RUNDC3B: variants seen among roughly 807,000 people sequenced by gnomAD.
RUNDC3B encodes the protein RUN domain-containing protein 3B.
RUNDC3B carries 33 observed loss-of-function variants against 58.4 expected under a neutral mutation model. The ratio of observed to expected loss-of-function variants is 0.56; its 90% CI spans 0.43 to 0.75. The LOEUF (loss-of-function observed/expected upper bound fraction) is 0.75. RUNDC3B is among the 30% of genes least tolerant of loss of function. The pLI is 0.00. For missense variants in RUNDC3B, 501 were observed against 535.7 expected, an observed-to-expected ratio of 0.94 and a Z score of 0.64; for synonymous variants, 193 against 195.2, an observed-to-expected ratio of 0.99 and a Z score of 0.10.
intron 4 of RUNDC3B, among the ~76,000 whole-genome samples, chr7:87,711,998 G>A (rs1271181341): frequency 6.6e-6 from 1 of 152,062 alleles, no homozygotes; most frequent in African/African-American, 2.4e-5. Context: ...TGACATTCTG[G>A]ATTTTGAGAA....
chr7:87,822,632 C>T (rs973448498), intron 10 of RUNDC3B, among the ~76,000 whole-genome samples: 11 of 152,132 alleles, frequency 7.2e-5, no homozygotes, highest in Non-Finnish European at 1.5e-4. Context: ...AGACTTGGAA[C>T]CAAGCCAAAT....
chr7:87,717,992 G>A (rs959003304), intron 4 of RUNDC3B, among the ~76,000 whole-genome samples: 1 of 152,044 alleles, frequency 6.6e-6, no homozygotes, highest in Non-Finnish European at 1.5e-5. Context: ...TTGATCAAGT[G>A]TGATTTATTC....
chr7:87,759,411 G>C (rs1303962814), intron 6 of RUNDC3B, among the ~76,000 whole-genome samples: 1 of 152,088 alleles, frequency 6.6e-6, no homozygotes, highest in East Asian at 1.9e-4. Context: ...TCTAGTATTT[G>C]ATAGCCCAAT....
rs1387798662 is a variant in RUNDC3B, at chr7:87,739,894, T to G, written c.548+14T>G. ...TATTGATTTCAGGTACTTAACCAAA[T>G]GCATTCAGTTTTTAAATTATTCTAT... On this transcript the variant is annotated intron_variant, in intron 5 of 10. Transcript: ENST00000394654. 1.5e-6 allele frequency: 2 copies of G among 1,331,332 alleles called. No homozygotes were observed. The highest frequency in any genetic ancestry group is 1.1e-6 in the Non-Finnish European group (1 of 943,522). The allele number at this position is 1,331,332 out of a possible 1,614,324, so 82.5% of individuals were successfully genotyped here. A position where few individuals can be genotyped will look rare whatever the true frequency, so the allele number is the denominator to read the frequency against.
chr7:87,655,476 A>G (rs574085295), intron 2 of RUNDC3B, among the ~76,000 whole-genome samples: 27 of 152,298 alleles, frequency 1.8e-4, no homozygotes, highest in African/African-American at 6.0e-4. Context: ...ACACTTAAAG[A>G]CAAATACTGC....
chr7:87,650,787 T>C, intron 1 of RUNDC3B, 35 bp from the exon 2 acceptor site: 1 of 1,319,396 alleles, frequency 7.6e-7, no homozygotes, highest in Non-Finnish European at 1.1e-6. Context: ...ATGAATCAAC[T>C]CTGCCTAAAA....
chr7:87,725,840 A>G (rs1159292069), intron 4 of RUNDC3B, among the ~76,000 whole-genome samples: 1 of 152,206 alleles, frequency 6.6e-6, no homozygotes, highest in African/African-American at 2.4e-5. Context: ...TCTGATGGCC[A>G]GTGATGATGA....
At chr7:87,787,291 C>A (rs1443403220) in intron 8 of RUNDC3B, among the ~76,000 whole-genome samples, 4 of 152,088 alleles carry the variant, frequency 2.6e-5, no homozygotes, top group Admixed American at 6.6e-5. Flanking sequence ...GGCCTATAAT[C>A]AAAGTTGGGC....
intron 6 of RUNDC3B, among the ~76,000 whole-genome samples, chr7:87,769,311 C>A (rs1219875866): frequency 6.6e-6 from 1 of 152,002 alleles, no homozygotes; most frequent in East Asian, 1.9e-4. Context: ...ATGCCCAGCC[C>A]CTTATATAAT....
chr7:87,665,432 G>A (rs201180389), intron 2 of RUNDC3B, among the ~76,000 whole-genome samples: 1 of 152,012 alleles, frequency 6.6e-6, no homozygotes, highest in Non-Finnish European at 1.5e-5. Context: ...TAAATAAATT[G>A]TAGAAGACAC....
rs372469154 is a variant in RUNDC3B at position 87,680,717 on chromosome 7, C to G, written c.239-19704C>G. ...GCTGAAGGCAGGAGAATCACTTGAA[C>G]CTGGGAGGCGGAGGGTGCAGTGAGC... On this transcript the variant is annotated intron_variant, in intron 2 of 10. Coordinates refer to ENST00000394654, the MANE Select transcript of RUNDC3B (RefSeq NM_001134405.2). Among the ~76,000 whole-genome samples the G allele has an allele frequency of 2.6e-3, 386 of 150,258 alleles. 22 individuals are homozygous for G. The highest frequency in any genetic ancestry group is 0.014 in the Admixed American group (206 of 15,058).
At chr7:87,754,846 C>T (rs1003225724) in intron 6 of RUNDC3B, among the ~76,000 whole-genome samples, 2 of 150,590 alleles carry the variant, frequency 1.3e-5, no homozygotes, top group Admixed American at 6.6e-5. Context: ...TTCTTTGACA[C>T]ACACACTTTC....
chr7:87,735,983 ATAAT>A (rs1295494459), intron 4 of RUNDC3B, among the ~76,000 whole-genome samples: 1 of 152,180 alleles, frequency 6.6e-6, no homozygotes, highest in African/African-American at 2.4e-5. Context: ...GTTTATTAAA[ATAAT>A]TACTGAATCT....
intron 3 of RUNDC3B, chr7:87,709,136 T>C (rs1829852744): frequency 2.6e-6 from 1 of 382,242 alleles, no homozygotes; most frequent in Non-Finnish European, 3.6e-6. Flanking sequence ...CAGGATTCCA[T>C]ACACATTCAA....
At chr7:87,632,840 G>A (rs747617203) in intron 1 of RUNDC3B, among the ~76,000 whole-genome samples, 7 of 152,024 alleles carry the variant, frequency 4.6e-5, no homozygotes, top group Non-Finnish European at 1.0e-4. Flanking sequence ...ATTAAAATAT[G>A]CACATATAAA....
chr7:87,678,670 G>A (rs897225649), intron 2 of RUNDC3B, among the ~76,000 whole-genome samples: 2 of 151,958 alleles, frequency 1.3e-5, no homozygotes, highest in Non-Finnish European at 2.9e-5. Flanking sequence ...GGTAAAAAAA[G>A]GACTCAATAT....
At chr7:87,799,447 C>G (rs1836001250) in intron 8 of RUNDC3B, among the ~76,000 whole-genome samples, 1 of 151,982 alleles carries the variant, frequency 6.6e-6, no homozygotes, top group African/African-American at 2.4e-5. Flanking sequence ...TAATTGCTAC[C>G]TAGGTATTCT....
chr7:87,773,162 A>T (rs1834376538), intron 7 of RUNDC3B, among the ~76,000 whole-genome samples: 1 of 152,072 alleles, frequency 6.6e-6, no homozygotes, highest in Non-Finnish European at 1.5e-5. Flanking sequence ...TCTCTACTAA[A>T]AATACAAAAA....
intron 3 of RUNDC3B, chr7:87,709,457 G>A (rs1158498708): frequency 1.0e-6 from 1 of 985,230 alleles, no homozygotes; most frequent in African/African-American, 1.7e-5. Context: ...GGCTTACTCA[G>A]AAGGAACAAT....
Sources: gnomAD v4.1 joint callset for allele counts (sites outside exome capture counted in the v4.1 genomes callset) on GRCh38, gnomAD v4.1.1 for gene constraint, MANE v1.5 for transcripts, NCBI Gene and HGNC (gene_info 2026-07-23, HGNC 2026-07-21) for gene names.